Variants in PLSCR4 observed in about 807,000 individuals in gnomAD.
The protein encoded by PLSCR4 is phospholipid scramblase 4, also known as Ca(2+)-dependent phospholipid scramblase 4.
Under a neutral mutation model 36.3 loss-of-function variants are expected in PLSCR4, and 25 were observed. That is an observed-to-expected ratio of 0.69 (90% CI 0.50 to 0.96). The LOEUF (loss-of-function observed/expected upper bound fraction) is 0.96. PLSCR4 is among the 40% of genes least tolerant of loss of function. The probability of loss-of-function intolerance (pLI) is 0.00; values close to 1 mark genes in which losing one functional copy is unlikely to be tolerated. For synonymous variants in PLSCR4, 122 were observed against 132.9 expected (o/e 0.92, Z 0.56); for missense variants, 408 against 414.7 (o/e 0.98, Z 0.14).
At position 146,229,903 on chromosome 3, in the gene PLSCR4, C is replaced by T. The variant is rs145146100; in HGVS notation, c.-21-7811G>A. Among the ~76,000 whole-genome samples, 605 of 152,262 alleles carry T rather than the reference C, an allele frequency of 4.0e-3. 3 individuals carry two copies. Among genetic ancestry groups the T allele is most frequent in the Non-Finnish European group, 6.9e-3 (466 of 68,020 alleles). ...CCTCCCAAAGTGCTGGGATTACAGG[C>T]ATGAGCCACTGCACCTAGCCAATTT... is the stretch of plus-strand genomic sequence containing the variant. On this transcript the variant is annotated intron_variant, in intron 1 of 8. Transcript: ENST00000354952.
At chr3:146,208,858 C>A (rs1465004750) in intron 3 of PLSCR4, among the ~76,000 whole-genome samples, 3 of 152,038 alleles carry the variant, frequency 2.0e-5, no homozygotes, top group African/African-American at 7.2e-5. Context: ...TGTGGAGATT[C>A]CTTAAAGAAC....
At position 146,199,956 on chromosome 3, in the gene PLSCR4, C is replaced by G; in HGVS notation, c.481G>C (p.Asp161His). Reference protein sequence around the residue: ...QMVYIVTEDTDDFTRNAYRTL... With the variant: ...QMVYIVTEDTHDFTRNAYRTL... ...CGATAGGCATTCCTGGTAAAGTCAT[C>G]TGTGTCTTCGGTTACAATGTAAACC... The change falls in exon 6 of 9, where the codon GAT (aspartate) becomes CAT (histidine). Residue 161 changes from aspartate (D) to histidine (H), a missense_variant. Transcript: ENST00000354952. The G allele has an allele frequency of 6.2e-7, 1 of 1,613,440 alleles. No homozygotes were observed. The highest frequency in any genetic ancestry group is 8.5e-7 in the Non-Finnish European group (1 of 1,179,602).
At chr3:146,241,501 C>G (rs1262026073) in intron 1 of PLSCR4, among the ~76,000 whole-genome samples, 6 of 152,070 alleles carry the variant, frequency 3.9e-5, no homozygotes, top group Admixed American at 1.3e-4. Flanking sequence ...CTGATCCTAA[C>G]AATGGAGCTT....
chr3:146,200,277 TAAAAG>T (rs931225656), intron 5 of PLSCR4, among the ~76,000 whole-genome samples: 8 of 152,004 alleles, frequency 5.3e-5, no homozygotes, highest in African/African-American at 1.2e-4. Flanking sequence ...AAATTTTACA[TAAAAG>T]AAAAGATTGA....
At chr3:146,238,305 T>C (rs542707430) in intron 1 of PLSCR4, among the ~76,000 whole-genome samples, 2 of 152,044 alleles carry the variant, frequency 1.3e-5, no homozygotes, top group South Asian at 2.1e-4. Flanking sequence ...AAAACTTATT[T>C]TATTTCAGTA....
At position 146,196,749 on chromosome 3, in the gene PLSCR4, C is replaced by T. The variant is rs149561579; in HGVS notation, c.669G>A (p.Ala223=). 153 of 1,613,868 alleles carry T rather than the reference C, an allele frequency of 9.5e-5. No individual in the cohort carries two copies. Among genetic ancestry groups the T allele is most frequent in the Admixed American group, 1.7e-4 (10 of 59,928 alleles). The change falls in exon 7 of 9, where the codon GCG becomes GCA. Residue 223 remains alanine (A), a synonymous_variant. Coordinates refer to ENST00000354952, the MANE Select transcript of PLSCR4 (RefSeq NM_020353.3). ...CCGCCCTGCACAGGTTCCAATGTTC[C>T]GCAACAAAGCCAATGGTGACACCAG... ...CPPGVTIGFV[A]EHWNLCRAVY... is the part of the protein sequence containing the mutation.
At chr3:146,233,219 C>T (rs185488032) in intron 1 of PLSCR4, among the ~76,000 whole-genome samples, 16 of 152,048 alleles carry the variant, frequency 1.1e-4, no homozygotes, top group Non-Finnish European at 8.8e-5. Context: ...ATAATTCTCT[C>T]GGCCACATAC....
At chr3:146,195,721 T>C (rs2108199974) in intron 7 of PLSCR4, among the ~76,000 whole-genome samples, 1 of 152,326 alleles carries the variant, frequency 6.6e-6, no homozygotes, top group Middle Eastern at 3.4e-3. Flanking sequence ...TACGGCCAGA[T>C]ACCAACGAGC....
At chr3:146,201,189 AT>A in intron 4 of PLSCR4, 112 bp from the exon 5 acceptor site, 1 of 659,212 alleles carries the variant, frequency 1.5e-6, no homozygotes, top group East Asian at 3.2e-5. Context: ...ACCAAAATAT[AT>A]TTTTGAAAGT....
At chr3:146,235,567 TA>T (rs1459646576) in intron 1 of PLSCR4, among the ~76,000 whole-genome samples, 1 of 152,146 alleles carries the variant, frequency 6.6e-6, no homozygotes, top group Admixed American at 6.6e-5. Flanking sequence ...AATGGACTAA[TA>T]CAGAAAATGG....
At chr3:146,206,912 T>C (rs990163833) in intron 3 of PLSCR4, 151 bp from the exon 4 acceptor site, 2 of 603,930 alleles carry the variant, frequency 3.3e-6, no homozygotes, top group African/African-American at 3.7e-5. Flanking sequence ...CATGGTTGCA[T>C]ATGACCCAAC....
intron 1 of PLSCR4, among the ~76,000 whole-genome samples, chr3:146,246,878 C>A (rs1462604863): frequency 6.6e-6 from 1 of 152,086 alleles, no homozygotes; most frequent in Non-Finnish European, 1.5e-5. Context: ...TACATTTACA[C>A]AATACATTTA....
chr3:146,208,653 T>A (rs1377873443), intron 3 of PLSCR4, among the ~76,000 whole-genome samples: 1 of 152,028 alleles, frequency 6.6e-6, no homozygotes, highest in Non-Finnish European at 1.5e-5. Flanking sequence ...CCAACAATTG[T>A]ATGAAAAAAT....
chr3:146,216,425 GT>G (rs1310407319), intron 3 of PLSCR4, among the ~76,000 whole-genome samples: 3 of 150,396 alleles, frequency 2.0e-5, no homozygotes, highest in Non-Finnish European at 4.4e-5. Context: ...AGAAAGCTAT[GT>G]TGATTAAAAA....
chr3:146,223,505 G>A (rs756565014), intron 1 of PLSCR4, among the ~76,000 whole-genome samples: 1 of 152,170 alleles, frequency 6.6e-6, no homozygotes, highest in Admixed American at 6.5e-5. Context: ...ATGTGATCAT[G>A]TTCATAAGAA....
At chr3:146,235,584 G>A (rs142702521) in intron 1 of PLSCR4, among the ~76,000 whole-genome samples, 7 of 152,252 alleles carry the variant, frequency 4.6e-5, no homozygotes, top group Admixed American at 1.3e-4. Flanking sequence ...AATGGGTACC[G>A]AGGAGTGGGG....
intron 1 of PLSCR4, among the ~76,000 whole-genome samples, chr3:146,234,970 G>A (rs890250640): frequency 6.6e-6 from 1 of 152,098 alleles, no homozygotes; most frequent in Non-Finnish European, 1.5e-5. Flanking sequence ...AGAACTTTTG[G>A]CCTCAATCCA....
intron 1 of PLSCR4, among the ~76,000 whole-genome samples, chr3:146,246,438 G>C (rs1480066367): frequency 2.6e-5 from 4 of 151,780 alleles, no homozygotes; most frequent in Admixed American, 2.6e-4. Flanking sequence ...TTAGCTATTT[G>C]GCTTTAATAT....
intron 1 of PLSCR4, among the ~76,000 whole-genome samples, chr3:146,235,082 C>T (rs970807056): frequency 6.6e-6 from 1 of 151,780 alleles, no homozygotes; most frequent in African/African-American, 2.4e-5. Context: ...ATGACTACAA[C>T]ACAATATAGA....
Sources: gnomAD v4.1 joint callset for allele counts (sites outside exome capture counted in the v4.1 genomes callset) on GRCh38, gnomAD v4.1.1 for gene constraint, MANE v1.5 for transcripts, NCBI Gene and HGNC (gene_info 2026-07-23, HGNC 2026-07-21) for gene names.